The following ASAP1 variants were observed in gnomAD, a reference collection of about 807,000 sequenced individuals.
ASAP1 encodes the protein arf-GAP with SH3 domain, ANK repeat and PH domain-containing protein 1.
A neutral mutation model predicts 145.2 loss-of-function variants in ASAP1; 43 were observed. The observed-to-expected ratio is 0.30, with a 90% CI of 0.23 to 0.38. The LOEUF (loss-of-function observed/expected upper bound fraction) is 0.38. Among genes scored for constraint, ASAP1 ranks in the 10% least tolerant of loss-of-function variants. The probability of loss-of-function intolerance (pLI) is 1.00; values close to 1 mark genes in which losing one functional copy is unlikely to be tolerated. For synonymous variants in ASAP1, 546 were observed against 515.5 expected (o/e 1.06, Z -0.80); for missense variants, 1,018 against 1,355.3 (o/e 0.75, Z 3.91).
intron 3 of ASAP1, among the ~76,000 whole-genome samples, chr8:130,282,777 A>C (rs1290528847): frequency 6.6e-6 from 1 of 152,220 alleles, no homozygotes; most frequent in Non-Finnish European, 1.5e-5. Context: ...GTGGGGGTAG[A>C]CAACTAAATG....
chr8:130,058,032 C>T lies in ASAP1; in HGVS notation c.3237G>A (p.Gln1079=). The change falls in exon 29 of 30, where the codon CAG becomes CAA. Residue 1079 remains glutamine (Q), a synonymous_variant. Coordinates refer to ENST00000518721, the MANE Select transcript of ASAP1 (RefSeq NM_018482.4). ...ATGTGAGCTCGTCATCGTTGTCTGCCTGGCAGTCATAAATGGTCTTCACTC... is the reference window on the plus strand; with the variant it reads ...ATGTGAGCTCGTCATCGTTGTCTGCTTGGCAGTCATAAATGGTCTTCACTC... The part of the protein sequence containing the change: ...VRRVKTIYDC[Q]ADNDDELTFI... 1 of 1,614,226 alleles carries T rather than the reference C, an allele frequency of 6.2e-7. No individual in the cohort carries two copies. The highest frequency in any genetic ancestry group is 8.5e-7 in the Non-Finnish European group (1 of 1,180,048).
At chr8:130,131,725 G>C (rs2097583433) in intron 15 of ASAP1, among the ~76,000 whole-genome samples, 1 of 152,070 alleles carries the variant, frequency 6.6e-6, no homozygotes, top group African/African-American at 2.4e-5. Context: ...GGGAGACTGA[G>C]GACTGAGGCT....
chr8:130,407,695 T>C (rs1829095555), intron 1 of ASAP1, among the ~76,000 whole-genome samples: 1 of 152,216 alleles, frequency 6.6e-6, no homozygotes, highest in Non-Finnish European at 1.5e-5. Context: ...TTCTACGACT[T>C]ACAGTTTGTC....
intron 2 of ASAP1, among the ~76,000 whole-genome samples, chr8:130,396,453 C>A (rs193028436): frequency 1.8e-4 from 28 of 152,314 alleles, no homozygotes; most frequent in African/African-American, 6.0e-4. Context: ...ACCTTCCTTC[C>A]TTTATGTATT....
chr8:130,122,133 A>G (rs1460596503), intron 18 of ASAP1, among the ~76,000 whole-genome samples: 1 of 152,174 alleles, frequency 6.6e-6, no homozygotes, highest in Non-Finnish European at 1.5e-5. Flanking sequence ...CTTGAAAAAA[A>G]TACCCTCTCC....
intron 9 of ASAP1, among the ~76,000 whole-genome samples, chr8:130,178,539 C>T (rs550447663): frequency 1.1e-4 from 17 of 152,318 alleles, no homozygotes; most frequent in African/African-American, 4.1e-4. Context: ...TGTACAAATG[C>T]AAAGTATTCT....
chr8:130,261,626 A>G (rs539679157), intron 3 of ASAP1, among the ~76,000 whole-genome samples: 1 of 152,238 alleles, frequency 6.6e-6, no homozygotes, highest in African/African-American at 2.4e-5. Flanking sequence ...TGGCCCATCT[A>G]AATTAGAGGC....
At chr8:130,342,370 G>A (rs1044282797) in intron 3 of ASAP1, among the ~76,000 whole-genome samples, 1 of 152,172 alleles carries the variant, frequency 6.6e-6, no homozygotes, top group African/African-American at 2.4e-5. Flanking sequence ...AGAACATCCA[G>A]TAACAGAGGC....
At chr8:130,366,661 C>T (rs530928715) in intron 2 of ASAP1, among the ~76,000 whole-genome samples, 1 of 152,230 alleles carries the variant, frequency 6.6e-6, no homozygotes, top group African/African-American at 2.4e-5. Flanking sequence ...AATCTCAGTG[C>T]TGCCATTTAA....
intron 25 of ASAP1, among the ~76,000 whole-genome samples, chr8:130,090,349 A>C (rs1211564018): frequency 6.6e-6 from 1 of 152,198 alleles, no homozygotes; most frequent in Non-Finnish European, 1.5e-5. Flanking sequence ...CTGATGTGAA[A>C]CTTGTGACTT....
chr8:130,177,181 A>C (rs189517843), intron 9 of ASAP1, among the ~76,000 whole-genome samples: 1 of 152,356 alleles, frequency 6.6e-6, no homozygotes, highest in Non-Finnish European at 1.5e-5. Flanking sequence ...GTGGAAAGGG[A>C]AAAAGCAAAG....
chr8:130,160,122 A>T (rs946471651), intron 11 of ASAP1, 158 bp from the exon 12 acceptor site: 3 of 624,546 alleles, frequency 4.8e-6, no homozygotes, highest in Non-Finnish European at 8.4e-6. Flanking sequence ...AGGAGGAAAC[A>T]GGGCAGCTAA....
chr8:130,104,792 T>C (rs903015008), intron 24 of ASAP1, among the ~76,000 whole-genome samples: 1 of 152,208 alleles, frequency 6.6e-6, no homozygotes, highest in African/African-American at 2.4e-5. Context: ...ATCTGGTTTT[T>C]AGTTACACAC....
chr8:130,220,470 T>C (rs529794244), intron 4 of ASAP1, among the ~76,000 whole-genome samples: 24 of 152,274 alleles, frequency 1.6e-4, no homozygotes, highest in African/African-American at 5.3e-4. Flanking sequence ...AATAAGGAAA[T>C]TTAAATTAGA....
chr8:130,306,802 C>T (rs540569191), intron 3 of ASAP1, among the ~76,000 whole-genome samples: 72 of 152,266 alleles, frequency 4.7e-4, no homozygotes, highest in Admixed American at 9.8e-4. Context: ...TATTTGTATT[C>T]CCCATCTCTC....
chr8:130,306,899 A>G lies in ASAP1; in HGVS notation c.186+51118T>C, dbSNP rs146194861. Among the ~76,000 whole-genome samples, 138 of 152,274 alleles carry G rather than the reference A, an allele frequency of 9.1e-4. 1 individual carries two copies. The highest frequency in any genetic ancestry group is 3.1e-3 in the African/African-American group (129 of 41,548). ...CCTCAGAGCCTAACAAACTAGAAAC[A>G]TGTTTCCTTCACTCCACCCAGGTCT... is the stretch of plus-strand genomic sequence containing the variant. On this transcript the variant is annotated intron_variant, in intron 3 of 29. Transcript: ENST00000518721.
intron 5 of ASAP1, among the ~76,000 whole-genome samples, chr8:130,210,684 C>T (rs974492900): frequency 7.2e-5 from 11 of 152,236 alleles, no homozygotes; most frequent in African/African-American, 2.4e-4. Flanking sequence ...CAATGTAATT[C>T]GTGGGGCAGC....
intron 25 of ASAP1, 68 bp from the exon 26 acceptor site, chr8:130,080,039 T>C (rs2135315294): frequency 1.4e-6 from 2 of 1,430,958 alleles, no homozygotes; most frequent in East Asian, 2.3e-5. Flanking sequence ...ATACATGGGT[T>C]TGGCCTGTAG....
chr8:130,106,244 T>C (rs1323606990), intron 24 of ASAP1, among the ~76,000 whole-genome samples: 1 of 152,198 alleles, frequency 6.6e-6, no homozygotes, highest in Admixed American at 6.5e-5. Context: ...TGACAGCCTA[T>C]GAGAAGCTTT....
Sources: gnomAD v4.1 joint callset for allele counts (sites outside exome capture counted in the v4.1 genomes callset) on GRCh38, gnomAD v4.1.1 for gene constraint, MANE v1.5 for transcripts, NCBI Gene and HGNC (gene_info 2026-07-23, HGNC 2026-07-21) for gene names.